The following EPGN variants were observed in gnomAD, a reference collection of about 807,000 sequenced individuals.
EPGN encodes the protein epithelial mitogen.
EPGN carries 21 observed loss-of-function variants against 20.7 expected under a neutral mutation model. The ratio of observed to expected loss-of-function variants is 1.01; its 90% CI spans 0.72 to 1.46. The LOEUF is 1.46. Ranked by LOEUF, EPGN falls within the 40% of genes most tolerant of loss-of-function variation. The pLI is 0.00. For missense variants in EPGN, 199 were observed against 180.7 expected (o/e 1.10, Z -0.58); for synonymous variants, 69 against 63.8 (o/e 1.08, Z -0.39).
In EPGN at chr4:74,316,744, G is replaced by T. The variant is rs535953870; in HGVS notation, c.*2107G>T. Among the ~76,000 whole-genome samples, 10 of 152,242 alleles carry T rather than the reference G, an allele frequency of 6.6e-5. No individual in the cohort carries two copies. Among genetic ancestry groups the T allele is most frequent in the South Asian group, 2.1e-4 (1 of 4,814 alleles). On this transcript the variant is annotated 3_prime_UTR_variant, in exon 5 of 5. Transcript: ENST00000413830. Reference sequence around the variant, plus strand: ...GAGAGTATGGGAAGAAACAATACAGGATTGCCTTTAATTAATTAAGAATTG... The same window carrying T: ...GAGAGTATGGGAAGAAACAATACAGTATTGCCTTTAATTAATTAAGAATTG...
chr4:74,311,497 G>A (rs539339999), intron 2 of EPGN, among the ~76,000 whole-genome samples: 2 of 152,080 alleles, frequency 1.3e-5, no homozygotes, highest in African/African-American at 2.4e-5. Context: ...CTTAATCTTA[G>A]CAAGGCAAAT....
chr4:74,311,247 C>T (rs186845601), intron 2 of EPGN, among the ~76,000 whole-genome samples: 36 of 151,894 alleles, frequency 2.4e-4, no homozygotes, highest in African/African-American at 7.2e-4. Flanking sequence ...TAGAAAGCAC[C>T]CAGCACAGTT....
chr4:74,312,628 G>GT (rs1560580349), intron 3 of EPGN, among the ~76,000 whole-genome samples: 1 of 152,154 alleles, frequency 6.6e-6, no homozygotes, highest in Non-Finnish European at 1.5e-5. Flanking sequence ...GTGATTTTAA[G>GT]TTTTGGGGTT....
Position 74,312,321 on chromosome 4 carries a change from TA to T in EPGN, c.254+17del. The T allele has an allele frequency of 6.2e-7, 1 of 1,604,838 alleles. No individual in the cohort carries two copies. Among genetic ancestry groups the T allele is most frequent in the Non-Finnish European group, 8.5e-7 (1 of 1,176,942 alleles). On this transcript the variant is annotated intron_variant, in intron 3 of 4. Coordinates refer to ENST00000413830, the MANE Select transcript of EPGN (RefSeq NM_001270989.2). ...CCATCTGCAGGTAAATGCAAAGAAA[TA>T]TCCAAGTCCTAGAGACAGGAGATGA...
Position 74,312,279 on chromosome 4 carries a change from C to T in EPGN, c.228C>T (p.His76=). The T allele has an allele frequency of 6.2e-7, 1 of 1,612,038 alleles. No individual in the cohort carries two copies. The highest frequency in any genetic ancestry group is 1.1e-5 in the South Asian group (1 of 90,528). The part of the protein sequence containing the change: ...SYCINGACAF[H]HELEKAICRC... ...GCATCAACGGTGCTTGTGCATTCCA[C>T]CATGAGCTAGAGAAAGCCATCTGCA... The change falls in exon 3 of 5, where the codon CAC becomes CAT. Residue 76 remains histidine, a synonymous_variant. Transcript: ENST00000413830.
At chr4:74,311,565 A>T (rs1308764535) in intron 2 of EPGN, among the ~76,000 whole-genome samples, 1 of 152,206 alleles carries the variant, frequency 6.6e-6, no homozygotes, top group Non-Finnish European at 1.5e-5. Flanking sequence ...AATGACAAGT[A>T]AAATCCCATT....
intron 2 of EPGN, among the ~76,000 whole-genome samples, chr4:74,310,461 CAAA>C (rs10586282): frequency 7.6e-4 from 33 of 43,204 alleles, no homozygotes; most frequent in African/African-American, 1.7e-3. Flanking sequence ...GAGTCCGTCT[CAAA>C]AAAAAAAAAA....
Position 74,314,632 on chromosome 4 carries a change from C to G in EPGN, c.460C>G (p.Leu154Val). Residue 154 changes from leucine to valine, a missense_variant, in exon 5 of 5, where the codon CTG becomes GTG. Physicochemically the swap from Leu to Val is conservative, Grantham distance 32. Transcript: ENST00000413830. ...YNVCSGERRP[L>V] is the part of the protein sequence containing the mutation. ...TGTCTGTTCTGGAGAAAGACGACCACTGTGAGGCCTTTGTGAAGAATTTTC... is the reference window on the plus strand; with the variant it reads ...TGTCTGTTCTGGAGAAAGACGACCAGTGTGAGGCCTTTGTGAAGAATTTTC... The G allele has an allele frequency of 6.5e-7, 1 of 1,536,006 alleles. No individual in the cohort carries two copies. The highest frequency in any genetic ancestry group is 8.7e-7 in the Non-Finnish European group (1 of 1,146,788).
rs1186627608 is a variant in EPGN at position 74,316,142 on chromosome 4, A to C, written c.*1505A>C. Among the ~76,000 whole-genome samples, 1 of 152,126 alleles carries C rather than the reference A, an allele frequency of 6.6e-6. No homozygotes were observed. Among genetic ancestry groups the C allele is most frequent in the Admixed American group, 6.6e-5 (1 of 15,266 alleles). On this transcript the variant is annotated 3_prime_UTR_variant, in exon 5 of 5. Coordinates refer to ENST00000413830, the MANE Select transcript of EPGN (RefSeq NM_001270989.2). Reference sequence around the variant, plus strand: ...AATCTGCATTGCCGGTGAGATCCTCAACATCAGCATGTTGAGATGGACCTC... The same window carrying C: ...AATCTGCATTGCCGGTGAGATCCTCCACATCAGCATGTTGAGATGGACCTC...
chr4:74,314,364 T>A, intron 4 of EPGN: 1 of 594,816 alleles, frequency 1.7e-6, no homozygotes, highest in South Asian at 2.0e-5. Flanking sequence ...AGCAATCTCC[T>A]GGCAGGGCAC....
Position 74,314,824 on chromosome 4 carries a change from A to G in EPGN, c.*187A>G. The G allele has an allele frequency of 1.7e-6, 1 of 595,030 alleles. No individual in the cohort carries two copies. Among genetic ancestry groups the G allele is most frequent in the Non-Finnish European group, 2.9e-6 (1 of 341,300 alleles). The allele number at this position is 595,030 out of a possible 1,614,324, so 36.9% of individuals were successfully genotyped here. On this transcript the variant is annotated 3_prime_UTR_variant, in exon 5 of 5. Transcript: ENST00000413830. ...TAGACTTTGCCATCCTTAAGGAGTG[A>G]TGGAAGCCAAGTGAACAAGCCTCAG...
rs773787972 is a variant in EPGN, at chr4:74,312,191, A to G, written c.140A>G (p.Asn47Ser). 8.1e-6 allele frequency: 13 copies of G among 1,603,898 alleles called. No homozygotes were observed. Among genetic ancestry groups the G allele is most frequent in the Non-Finnish European group, 1.0e-5 (12 of 1,176,572 alleles). ...TTGTATCTCCTTTTCCTAGCTGACA[A>G]CATAGAAGGACCCATAGCCTTGAAG... ...NWTVNKTEAD[N>S]IEGPIALKFS... Residue 47 changes from asparagine (N) to serine (S), a missense_variant, in exon 3 of 5, where the codon AAC becomes AGC. Transcript: ENST00000413830.
intron 3 of EPGN, 80 bp downstream of exon 3, chr4:74,312,385 A>G (rs991131732): frequency 1.8e-5 from 27 of 1,463,712 alleles, no homozygotes; most frequent in African/African-American, 4.3e-5. Context: ...ACATTTCCAC[A>G]CTTTTCTCTC....
intron 4 of EPGN, chr4:74,313,731 G>GT (rs907001477): frequency 6.8e-5 from 51 of 745,066 alleles, no homozygotes; most frequent in Admixed American, 6.8e-4. Context: ...CTTATTTCTT[G>GT]TTTTTTCCAC....
intron 1 of EPGN, 45 bp downstream of exon 1, chr4:74,308,621 A>G: frequency 6.6e-7 from 1 of 1,512,726 alleles, no homozygotes; most frequent in Non-Finnish European, 9.1e-7. Context: ...TCAGTGTAAA[A>G]TGTGAATAGA....
Position 74,314,584 on chromosome 4 carries a change from C to T in EPGN, c.412C>T (p.Leu138=), listed in dbSNP as rs900297478. Residue 138 remains leucine (L), a synonymous_variant, in exon 5 of 5, where the codon CTA becomes TTA. Coordinates refer to ENST00000413830, the MANE Select transcript of EPGN (RefSeq NM_001270989.2). ...GAAACCAATGCTCTGTTTCAGGTGT[C>T]TAAAATTGAAATCGCCTTACAATGT... The part of the protein sequence containing the change: ...IFYCYIRKRC[L]KLKSPYNVCS... The T allele has an allele frequency of 1.2e-5, 19 of 1,535,996 alleles. No individual in the cohort carries two copies. The highest frequency in any genetic ancestry group is 2.0e-5 in the Admixed American group (1 of 50,990).
At chr4:74,314,266 C>T in intron 4 of EPGN, 1 of 498,410 alleles carries the variant, frequency 2.0e-6, no homozygotes, top group Non-Finnish European at 3.8e-6. Context: ...AGACCTCTCC[C>T]AAGGAGATGA....
At chr4:74,313,920 T>C (rs1406350065) in intron 4 of EPGN, among the ~76,000 whole-genome samples, 2 of 152,180 alleles carry the variant, frequency 1.3e-5, no homozygotes, top group Non-Finnish European at 2.9e-5. Flanking sequence ...AACAAATGCA[T>C]CTTAGAGAGA....
chr4:74,312,356 C>T, intron 3 of EPGN, 51 bp downstream of exon 3: 1 of 1,572,302 alleles, frequency 6.4e-7, no homozygotes. Context: ...GAGTTTATGT[C>T]TCTGTTGTTT....
Sources: allele counts gnomAD v4.1 joint callset (sites outside exome capture counted in the v4.1 genomes callset), GRCh38; gene constraint gnomAD v4.1.1; transcripts MANE v1.5; gene names NCBI Gene and HGNC (gene_info 2026-07-23, HGNC 2026-07-21).